The following PRKN variants were observed in gnomAD, a reference collection of about 807,000 sequenced individuals.
PRKN encodes the protein E3 ubiquitin-protein ligase parkin.
A neutral mutation model predicts 59.5 loss-of-function variants in PRKN; 56 were observed. The ratio of observed to expected loss-of-function variants is 0.94; its 90% CI spans 0.76 to 1.18. The LOEUF (loss-of-function observed/expected upper bound fraction) is 1.18, where lower values mean the gene tolerates loss of function less well. Ranked by LOEUF, PRKN falls within the 50% of genes most tolerant of loss-of-function variation. The probability of loss-of-function intolerance (pLI) is 0.00; values close to 1 mark genes in which losing one functional copy is unlikely to be tolerated. For missense variants in PRKN, 657 were observed against 596.4 expected (o/e 1.10, Z -1.06); for synonymous variants, 250 against 222.1 (o/e 1.13, Z -1.12).
rs143913067 is a variant in PRKN at position 161,920,614 on chromosome 6, G to A, written c.734+52688C>T. Among the ~76,000 whole-genome samples the A allele has an allele frequency of 5.5e-3, 839 of 151,378 alleles. 28 individuals are homozygous for A. Among genetic ancestry groups the A allele is most frequent in the Admixed American group, 0.049 (739 of 15,206 alleles). On this transcript the variant is annotated intron_variant, in intron 6 of 11. Transcript: ENST00000366898. ...ATCCTGGCCAACATGGTGAAACCCC[G>A]TCTCGTCTCTACTAAAAATACAAAA...
At chr6:161,693,563 T>A (rs1785893083) in intron 7 of PRKN, among the ~76,000 whole-genome samples, 1 of 152,192 alleles carries the variant, frequency 6.6e-6, no homozygotes, top group Non-Finnish European at 1.5e-5. Context: ...GCTCTGGGGT[T>A]CAAAATGATC....
chr6:161,388,463 CTG>C lies in PRKN; in HGVS notation c.1084-1588_1084-1587del, dbSNP rs1176188150. Among the ~76,000 whole-genome samples the C allele has an allele frequency of 6.6e-6, 1 of 152,208 alleles. No homozygotes were observed. Among genetic ancestry groups the C allele is most frequent in the African/African-American group, 2.4e-5 (1 of 41,456 alleles). Reference sequence around the variant, plus strand: ...TAGGCAACATCTCCCACAGCAGAAACTGTATTCAGAGAAGGCATTTCAGCAGA... The same window carrying C: ...TAGGCAACATCTCCCACAGCAGAAACTATTCAGAGAAGGCATTTCAGCAGA... On this transcript the variant is annotated intron_variant, in intron 9 of 11. Coordinates refer to ENST00000366898, the MANE Select transcript of PRKN (RefSeq NM_004562.3). The surrounding 1 kb of genome is among the most constrained non-coding windows in gnomAD (Gnocchi z 4.3).
intron 2 of PRKN, among the ~76,000 whole-genome samples, chr6:162,358,150 G>A (rs1430890197): frequency 1.3e-5 from 2 of 152,198 alleles, no homozygotes; most frequent in African/African-American, 2.4e-5. Context: ...ACAGAGGAAA[G>A]TGTATGTGTG....
intron 6 of PRKN, among the ~76,000 whole-genome samples, chr6:161,808,096 T>G (rs2128212622): frequency 6.6e-6 from 1 of 152,240 alleles, no homozygotes; most frequent in Non-Finnish European, 1.5e-5. Context: ...ACCCCTAACT[T>G]TTACCATTGC....
chr6:161,607,711 A>T lies in PRKN; in HGVS notation c.872-38295T>A, dbSNP rs1018796084. On this transcript the variant is annotated intron_variant, in intron 7 of 11. Transcript: ENST00000366898. ...CATATCCAAGATGTAGGAATCCCAG[A>T]AAGAGAAAATAAAGTGGAGAAAAAT... is the stretch of plus-strand genomic sequence containing the variant. 2.0e-5 allele frequency among the ~76,000 whole-genome samples: 3 copies of T among 152,214 alleles called. No individual in the cohort carries two copies. In the South Asian group the frequency reaches 6.2e-4, roughly 32 times the overall value.
chr6:161,906,168 T>C (rs1778137132), intron 6 of PRKN, among the ~76,000 whole-genome samples: 1 of 152,168 alleles, frequency 6.6e-6, no homozygotes, highest in Non-Finnish European at 1.5e-5. Context: ...ATTGCATGTG[T>C]CTTCCACATT....
At chr6:162,614,975 C>G (rs1782343204) in intron 1 of PRKN, among the ~76,000 whole-genome samples, 1 of 152,090 alleles carries the variant, frequency 6.6e-6, no homozygotes, top group Admixed American at 6.6e-5. Context: ...TGGCTTTTTG[C>G]TTTATTCTCA....
At chr6:162,678,777 T>A (rs906843823) in intron 1 of PRKN, among the ~76,000 whole-genome samples, 1 of 152,186 alleles carries the variant, frequency 6.6e-6, no homozygotes, top group Non-Finnish European at 1.5e-5. Context: ...TGTGGTTTTT[T>A]ACTCGTTTGT....
intron 6 of PRKN, among the ~76,000 whole-genome samples, chr6:161,907,332 AG>A (rs1159746375): frequency 6.6e-6 from 1 of 152,210 alleles, no homozygotes; most frequent in Non-Finnish European, 1.5e-5. Flanking sequence ...GGAAAAAAAA[AG>A]CTCGAAAAGA....
chr6:161,517,880 C>T (rs534352742), intron 9 of PRKN, among the ~76,000 whole-genome samples: 9 of 151,990 alleles, frequency 5.9e-5, no homozygotes, highest in Middle Eastern at 3.4e-3. Flanking sequence ...CAAGAGGTAG[C>T]CATTTGGAAA....
chr6:161,886,756 A>AAAATAATAAAAT (rs1554241164), intron 6 of PRKN, among the ~76,000 whole-genome samples: 2,968 of 146,262 alleles, frequency 0.02, 119 homozygotes, highest in African/African-American at 0.07. Flanking sequence ...TAAAATAAAA[A>AAAATAATAAAAT]AAAATAAAAT....
At chr6:162,580,062 T>C (rs1413186224) in intron 1 of PRKN, among the ~76,000 whole-genome samples, 2 of 152,186 alleles carry the variant, frequency 1.3e-5, no homozygotes, top group African/African-American at 2.4e-5. Context: ...AGATGTGAAG[T>C]GGGCTGAAGA....
At chr6:161,892,819 A>G (rs1229460570) in intron 6 of PRKN, among the ~76,000 whole-genome samples, 1 of 152,238 alleles carries the variant, frequency 6.6e-6, no homozygotes. Context: ...AAGGTTTTAG[A>G]GAATGTACCT....
At chr6:161,450,427 C>T (rs1789677614) in intron 9 of PRKN, among the ~76,000 whole-genome samples, 1 of 152,266 alleles carries the variant, frequency 6.6e-6, no homozygotes, top group Admixed American at 6.5e-5. Flanking sequence ...CAAGTGATAC[C>T]ATTTACCCTA....
chr6:161,570,134 A>ATAT (rs1332340408), intron 7 of PRKN, among the ~76,000 whole-genome samples: 89 of 132,656 alleles, frequency 6.7e-4, no homozygotes, highest in African/African-American at 2.5e-3. Context: ...TAAAAAAAAA[A>ATAT]AAAAAAAAAA....
rs542700161 is a variant in PRKN, at chr6:162,490,117, G to C, written c.8-46644C>G. On this transcript the variant is annotated intron_variant, in intron 1 of 11. Coordinates refer to ENST00000366898, the MANE Select transcript of PRKN (RefSeq NM_004562.3). ...CAGAGTCCTTGGAAGCGATGTGACA[G>C]GTTTTCATAAAGAGGGAAGAGAAAA... Among the ~76,000 whole-genome samples the C allele has an allele frequency of 4.6e-5, 7 of 152,222 alleles. No individual in the cohort carries two copies. In the East Asian group the frequency reaches 1.4e-3, roughly 29 times the overall value.
At chr6:162,467,405 C>T (rs1216647573) in intron 1 of PRKN, among the ~76,000 whole-genome samples, 1 of 152,082 alleles carries the variant, frequency 6.6e-6, no homozygotes, top group Admixed American at 6.6e-5. Flanking sequence ...TCAGTGACTG[C>T]CCCCACTCCA....
intron 6 of PRKN, among the ~76,000 whole-genome samples, chr6:161,820,230 G>A (rs1791964918): frequency 6.6e-6 from 1 of 151,748 alleles, no homozygotes; most frequent in Non-Finnish European, 1.5e-5. Flanking sequence ...GTTAGCTCTG[G>A]CAAAATGGGT....
chr6:162,343,258 G>A lies in PRKN; in HGVS notation c.172-80493C>T, dbSNP rs147944235. 2.0e-5 allele frequency among the ~76,000 whole-genome samples: 3 copies of A among 152,018 alleles called. No homozygotes were observed. In the East Asian group the frequency reaches 5.8e-4, roughly 29 times the overall value. ...TAAGACTGTTAACCTTGGGATCAAG[G>A]GATTATTTGTTAATATTTTTAAAAT... is the stretch of plus-strand genomic sequence containing the variant. On this transcript the variant is annotated intron_variant, in intron 2 of 11. Transcript: ENST00000366898.
Sources: allele counts gnomAD v4.1 joint callset (sites outside exome capture counted in the v4.1 genomes callset), GRCh38; gene constraint gnomAD v4.1.1; non-coding constraint Gnocchi (gnomAD v3.1); transcripts MANE v1.5; gene names NCBI Gene and HGNC (gene_info 2026-07-23, HGNC 2026-07-21).